The following EYA2 variants were observed in gnomAD, a reference collection of about 807,000 sequenced individuals.
EYA2 encodes the protein EYA transcriptional coactivator and phosphatase 2.
In EYA2, 31 loss-of-function variants were observed where a neutral mutation model predicts 69.2. The ratio of observed to expected loss-of-function variants is 0.45; its 90% CI spans 0.34 to 0.60. EYA2 has a LOEUF of 0.60. Among genes scored for constraint, EYA2 ranks in the 20% least tolerant of loss-of-function variants. The pLI is 0.02. For missense variants in EYA2, 622 were observed against 701.2 expected (o/e 0.89, Z 1.28); for synonymous variants, 257 against 279.4 (o/e 0.92, Z 0.80).
intron 7 of EYA2, among the ~76,000 whole-genome samples, chr20:47,079,764 A>G (rs564165445): frequency 6.4e-4 from 97 of 152,250 alleles, no homozygotes; most frequent in African/African-American, 2.2e-3. Flanking sequence ...TTGTGCTACT[A>G]TGGGTTTCTC....
In EYA2 at chr20:46,972,954, C is replaced by T. The variant is rs1365001372; in HGVS notation, c.-10-17047C>T. ...AAATAAATATTTTAAAGTTTCTAAA[C>T]TCCTAATGAAAGAATTGATTCAGGC... On this transcript the variant is annotated intron_variant, in intron 1 of 15. Transcript: ENST00000327619. Among the ~76,000 whole-genome samples, 4 of 152,204 alleles carry T rather than the reference C, an allele frequency of 2.6e-5. No homozygotes were observed. The South Asian group carries it at 6.2e-4, about 24-fold the overall frequency.
At chr20:46,958,605 A>G (rs1474698344) in intron 1 of EYA2, among the ~76,000 whole-genome samples, 1 of 152,132 alleles carries the variant, frequency 6.6e-6, no homozygotes, top group East Asian at 1.9e-4. Flanking sequence ...TCTATAGGCA[A>G]ACTTGCGTCA....
chr20:47,154,899 G>A lies in EYA2; in HGVS notation c.978+11751G>A, dbSNP rs529258174. Reference sequence around the variant, plus strand: ...CTCGCTCTGTCTCTCAGGCTGGAGTGCAGTGCTGCGATCTCAGCTCACTGC... The same window carrying A: ...CTCGCTCTGTCTCTCAGGCTGGAGTACAGTGCTGCGATCTCAGCTCACTGC... On this transcript the variant is annotated intron_variant, in intron 10 of 15. Transcript: ENST00000327619. Among the ~76,000 whole-genome samples, 7 of 150,314 alleles carry A rather than the reference G, an allele frequency of 4.7e-5. No homozygotes were observed. In the East Asian group the frequency reaches 1.4e-3, roughly 31 times the overall value.
At chr20:47,056,048 G>A (rs552564871) in intron 5 of EYA2, among the ~76,000 whole-genome samples, 3 of 152,274 alleles carry the variant, frequency 2.0e-5, no homozygotes, top group South Asian at 2.1e-4. Context: ...CTGAAATGGC[G>A]TTCTCAGGCA....
intron 7 of EYA2, among the ~76,000 whole-genome samples, chr20:47,080,780 AAG>A (rs2031684778): frequency 6.6e-6 from 1 of 152,154 alleles, no homozygotes; most frequent in Non-Finnish European, 1.5e-5. Flanking sequence ...GCAGCAGGCA[AAG>A]AGAGAACTCG....
chr20:47,065,640 T>A (rs750821452), intron 5 of EYA2, among the ~76,000 whole-genome samples: 45 of 152,376 alleles, frequency 3.0e-4, no homozygotes, highest in Admixed American at 6.5e-4. Context: ...GTGATTTTTT[T>A]ATTAGATTTA....
chr20:47,102,829 C>G (rs939083269), intron 9 of EYA2, among the ~76,000 whole-genome samples: 5 of 152,292 alleles, frequency 3.3e-5, no homozygotes, highest in Admixed American at 3.3e-4. Flanking sequence ...GTGACTGCTG[C>G]CTCTTTCCTA....
At chr20:46,994,982 C>A (rs1981925035) in intron 2 of EYA2, among the ~76,000 whole-genome samples, 1 of 151,892 alleles carries the variant, frequency 6.6e-6, no homozygotes, top group African/African-American at 2.4e-5. Context: ...CTCACTGCAA[C>A]CTCTGCCTCC....
At chr20:47,027,382 A>G (rs1012291610) in intron 5 of EYA2, among the ~76,000 whole-genome samples, 1 of 151,842 alleles carries the variant, frequency 6.6e-6, no homozygotes, top group Admixed American at 6.6e-5. Context: ...TGAATCAGCA[A>G]CTCTTCTGCA....
intron 5 of EYA2, among the ~76,000 whole-genome samples, chr20:47,065,373 A>G (rs1395687923): frequency 6.6e-6 from 1 of 152,240 alleles, no homozygotes; most frequent in African/African-American, 2.4e-5. Context: ...AGTAGGGGAA[A>G]TATCATCCCA....
At chr20:47,146,048 A>G (rs2033693729) in intron 10 of EYA2, among the ~76,000 whole-genome samples, 1 of 152,068 alleles carries the variant, frequency 6.6e-6, no homozygotes, top group African/African-American at 2.4e-5. Flanking sequence ...AGCCAAGAGG[A>G]CTTGCTGATA....
chr20:46,905,594 C>A lies in EYA2; in HGVS notation c.-11+10607C>A, dbSNP rs538633774. 2.8e-4 allele frequency among the ~76,000 whole-genome samples: 42 copies of A among 152,274 alleles called. 1 individual carries two copies. Among genetic ancestry groups the A allele is most frequent in the African/African-American group, 8.4e-4 (35 of 41,572 alleles). On this transcript the variant is annotated intron_variant, in intron 1 of 15. Coordinates refer to ENST00000327619, the MANE Select transcript of EYA2 (RefSeq NM_005244.5). ...CTTCAAGAATCCCTGCCATTTCTTG[C>A]CAACCGGAATGAAGTGACTTCCTCC...
chr20:46,982,063 T>C (rs1980867678), intron 1 of EYA2, among the ~76,000 whole-genome samples: 1 of 152,210 alleles, frequency 6.6e-6, no homozygotes, highest in African/African-American at 2.4e-5. Flanking sequence ...TTAAAACATG[T>C]TAATTGTATT....
rs1292166771 is a variant in EYA2 at position 47,096,065 on chromosome 20, T to G, written c.805-1020T>G. ...CAAACAAGAAAAAATTAATAAATTC[T>G]GACAAAACCAAAAAAGTTACATCAG... On this transcript the variant is annotated intron_variant, in intron 8 of 15. Coordinates refer to ENST00000327619, the MANE Select transcript of EYA2 (RefSeq NM_005244.5). 3 of 152,286 alleles carry G rather than the reference T, an allele frequency of 2.0e-5. No individual in the cohort carries two copies. The East Asian group carries it at 5.8e-4, about 29-fold the overall frequency. The allele number at this position is 152,286 out of a possible 1,614,324, so 9.4% of individuals were successfully genotyped here.
At chr20:46,903,483 T>C (rs6124883) in intron 1 of EYA2, among the ~76,000 whole-genome samples, 69,674 of 151,958 alleles carry the variant, frequency 0.46, 17,043 homozygotes, top group Non-Finnish European at 0.56. Flanking sequence ...AATCAGACTT[T>C]CCAAACCTCA....
intron 2 of EYA2, among the ~76,000 whole-genome samples, chr20:46,999,102 C>T (rs776046878): frequency 4.6e-5 from 7 of 152,156 alleles, no homozygotes; most frequent in Non-Finnish European, 1.0e-4. Context: ...AGACGCTTGC[C>T]TCCAATTTAT....
Position 47,018,310 on chromosome 20 carries a change from C to G in EYA2, c.415+2013C>G, listed in dbSNP as rs535114054. 2.6e-5 allele frequency among the ~76,000 whole-genome samples: 4 copies of G among 152,350 alleles called. No individual in the cohort carries two copies. The East Asian group carries it at 7.7e-4, about 29-fold the overall frequency. ...TAGGAGAGGCCCCCATTCATTCATT[C>G]ATTCATTCATTCCGTATGTTGAGCA... On this transcript the variant is annotated intron_variant, in intron 5 of 15. Transcript: ENST00000327619.
chr20:47,078,320 C>G (rs73123774), intron 7 of EYA2, among the ~76,000 whole-genome samples: 1 of 143,890 alleles, frequency 6.9e-6, no homozygotes, highest in Admixed American at 6.8e-5. Context: ...TGTGCACGTG[C>G]GCGCGCGCGC....
At chr20:46,983,038 G>T (rs145158977) in intron 1 of EYA2, among the ~76,000 whole-genome samples, 1 of 152,144 alleles carries the variant, frequency 6.6e-6, no homozygotes, top group Non-Finnish European at 1.5e-5. Flanking sequence ...CTCCCAAAGT[G>T]CTGGGATTAC....
Sources: gnomAD v4.1 joint callset for allele counts (sites outside exome capture counted in the v4.1 genomes callset) on GRCh38, gnomAD v4.1.1 for gene constraint, MANE v1.5 for transcripts, NCBI Gene and HGNC (gene_info 2026-07-23, HGNC 2026-07-21) for gene names.